Variants in PTRH1 observed in about 807,000 individuals in gnomAD.
PTRH1 encodes the protein peptidyl-tRNA hydrolase.
A neutral mutation model predicts 15.7 loss-of-function variants in PTRH1; 13 were observed. The ratio of observed to expected loss-of-function variants is 0.83; its 90% CI spans 0.54 to 1.31. The LOEUF is 1.31. Ranked by LOEUF, PTRH1 falls within the 40% of genes most tolerant of loss-of-function variation. PTRH1 has a pLI of 0.00. For missense variants in PTRH1, 319 were observed against 296.2 expected, an observed-to-expected ratio of 1.08 and a Z score of -0.56; for synonymous variants, 139 against 136.7, an observed-to-expected ratio of 1.02 and a Z score of -0.12.
intron 1 of PTRH1, among the ~76,000 whole-genome samples, chr9:127,700,077 G>A (rs1197619001): frequency 6.6e-6 from 1 of 152,040 alleles, no homozygotes; most frequent in African/African-American, 2.4e-5. Context: ...GAGCAAGACT[G>A]TCTCAAAAAA....
chr9:127,706,610 C>T (rs1842651791), intron 1 of PTRH1, among the ~76,000 whole-genome samples: 2 of 152,200 alleles, frequency 1.3e-5, no homozygotes, highest in South Asian at 4.1e-4. Context: ...CCAATGCACC[C>T]ATGCCAGGAC....
chr9:127,695,177 A>C (rs1338711556), intron 1 of PTRH1: 5 of 669,732 alleles, frequency 7.5e-6, no homozygotes, highest in Non-Finnish European at 1.4e-5. Context: ...CATAAATTTA[A>C]AAAAGCCCAA....
downstream of PTRH1, chr9:127,712,008 C>T (rs111957170): frequency 7.1e-6 from 11 of 1,555,328 alleles, no homozygotes; most frequent in African/African-American, 1.1e-4. Flanking sequence ...AAGCTCTGGC[C>T]CAGCTCTTTC....
At chr9:127,699,151 GCATTATAGGTGTGAACCAC>G (rs1482192539) in intron 1 of PTRH1, among the ~76,000 whole-genome samples, 1 of 152,140 alleles carries the variant, frequency 6.6e-6, no homozygotes, top group African/African-American at 2.4e-5. Context: ...CAAAGTGCTG[GCATTATAGGTGTGAACCAC>G]CGCGCCCGGC....
At chr9:127,699,936 C>A (rs536594537) in intron 1 of PTRH1, among the ~76,000 whole-genome samples, 1 of 151,994 alleles carries the variant, frequency 6.6e-6, no homozygotes, top group Non-Finnish European at 1.5e-5. Flanking sequence ...ATATAAATGC[C>A]TCCCGAGACT....
downstream of PTRH1, chr9:127,711,507 A>AGGCCTCAGCACAGGGCATTT: frequency 6.2e-7 from 1 of 1,611,276 alleles, no homozygotes; most frequent in Non-Finnish European, 8.5e-7. Context: ...GTGTGCCTGC[A>AGGCCTCAGCACAGGGCATTT]GGCCTCAGCA....
At chr9:127,712,131 CCTGGCCCCAG>C, downstream of PTRH1, 1 of 1,582,358 alleles carries the variant, frequency 6.3e-7, no homozygotes, top group Non-Finnish European at 8.6e-7. Flanking sequence ...TGGCAGGGCC[CCTGGCCCCAG>C]GTGGCCCCAG....
chr9:127,715,378 C>T lies in PTRH1; in HGVS notation c.96+166G>A. ...TCCAGAAGGCTGGGCAGGCAGGGCG[C>T]CCTAGTGCAGGAACGGAGCTTCAAG... On this transcript the variant is annotated intron_variant, in intron 1 of 4. Coordinates refer to ENST00000543175, the MANE Select transcript of PTRH1 (RefSeq NM_001002913.3). This position sits in a 1 kb window ranked among gnomAD's most constrained non-coding sequence, Gnocchi z 5.8. 1 of 1,263,386 alleles carries T rather than the reference C, an allele frequency of 7.9e-7. No homozygotes were observed. The highest frequency in any genetic ancestry group is 1.1e-6 in the Non-Finnish European group (1 of 895,516). The allele number at this position is 1,263,386 out of a possible 1,614,324, so 78.3% of individuals were successfully genotyped here. A position where few individuals can be genotyped will look rare whatever the true frequency, so the allele number is the denominator to read the frequency against.
chr9:127,711,953 G>A (rs893827588), downstream of PTRH1: 7 of 1,605,084 alleles, frequency 4.4e-6, no homozygotes, highest in African/African-American at 6.7e-5. Flanking sequence ...GCACTGAAGT[G>A]CGTATGGCCC....
Position 127,705,923 on chromosome 9 carries a change from G to A in PTRH1, c.205+9512C>T, listed in dbSNP as rs1237752596. Among the ~76,000 whole-genome samples, 1 of 152,232 alleles carries A rather than the reference G, an allele frequency of 6.6e-6. No homozygotes were observed. Among genetic ancestry groups the A allele is most frequent in the Non-Finnish European group, 1.5e-5 (1 of 68,030 alleles). Reference sequence around the variant, plus strand: ...AGGGCTGCCCTGCCTGCAGGGAACAGGCACCCTGGGAAGGGCAGACCACCA... The same window carrying A: ...AGGGCTGCCCTGCCTGCAGGGAACAAGCACCCTGGGAAGGGCAGACCACCA... On this transcript the variant is annotated intron_variant, in intron 1 of 2. Coordinates refer to the PTRH1 transcript ENST00000335223. This position sits in a 1 kb window ranked among gnomAD's most constrained non-coding sequence, Gnocchi z 4.7.
chr9:127,704,723 C>T (rs1236446039), intron 1 of PTRH1, among the ~76,000 whole-genome samples: 1 of 152,050 alleles, frequency 6.6e-6, no homozygotes, highest in Non-Finnish European at 1.5e-5. Context: ...CCCTCCCCAT[C>T]ACTGACCTTG....
At chr9:127,711,217 C>T (rs765670831), downstream of PTRH1, 14 of 1,611,974 alleles carry the variant, frequency 8.7e-6, no homozygotes, top group African/African-American at 1.3e-5. Context: ...CCCCTCCCAC[C>T]TTTCTGGCCA....
At chr9:127,704,227 G>T (rs915430270) in intron 1 of PTRH1, among the ~76,000 whole-genome samples, 3 of 152,158 alleles carry the variant, frequency 2.0e-5, no homozygotes, top group Admixed American at 6.5e-5. Flanking sequence ...AAAGCTGGCT[G>T]GGTGCAGTGG....
downstream of PTRH1, chr9:127,712,963 C>G (rs1325340756): frequency 2.2e-5 from 35 of 1,597,976 alleles, no homozygotes; most frequent in Non-Finnish European, 2.8e-5. Context: ...TCGGCTCACC[C>G]TGGGCCAGAA....
exon 2 of PTRH1, chr9:127,694,974 G>T (rs755210404): frequency 5.7e-6 from 4 of 702,766 alleles, no homozygotes; most frequent in South Asian, 1.5e-5. Context: ...CCTGACAGGT[G>T]ACTTTGTTCC....
chr9:127,706,932 C>A, intron 1 of PTRH1: 1 of 1,445,910 alleles, frequency 6.9e-7, no homozygotes, highest in Non-Finnish European at 9.4e-7. Flanking sequence ...TCCCTTTAAG[C>A]CCAGCCTCAC....
At chr9:127,704,505 C>CAAA (rs374789277) in intron 1 of PTRH1, among the ~76,000 whole-genome samples, 2 of 50,432 alleles carry the variant, frequency 4.0e-5, no homozygotes, top group Admixed American at 2.0e-4. Flanking sequence ...GACACTGTCT[C>CAAA]AAAAAAAAAA....
chr9:127,712,851 A>G (rs1284072103), downstream of PTRH1: 2 of 1,612,786 alleles, frequency 1.2e-6, no homozygotes, highest in Non-Finnish European at 1.7e-6. Flanking sequence ...CAGGAGTCAC[A>G]GTCCCATGGC....
chr9:127,694,835 C>CT (rs1842542392), intron 2 of PTRH1: 17 of 609,834 alleles, frequency 2.8e-5, no homozygotes, highest in South Asian at 5.9e-5. Flanking sequence ...CCGTTGGAGA[C>CT]TTTTAGCAGT....
Sources: gnomAD v4.1 joint callset for allele counts (sites outside exome capture counted in the v4.1 genomes callset) on GRCh38, gnomAD v4.1.1 for gene constraint, Gnocchi (gnomAD v3.1) non-coding constraint, MANE v1.5 for transcripts, NCBI Gene and HGNC (gene_info 2026-07-23, HGNC 2026-07-21) for gene names.